The following ZNF16 variants were observed in gnomAD, a reference collection of about 807,000 sequenced individuals.
The protein encoded by ZNF16 is zinc finger protein 16, also known as zinc finger protein KOX9.
In ZNF16, 7 loss-of-function variants were observed where a neutral mutation model predicts 9.0. The observed-to-expected ratio is 0.78, with a 90% CI of 0.44 to 1.47. The LOEUF (loss-of-function observed/expected upper bound fraction) is 1.47. Among genes scored for constraint, ZNF16 ranks in the 40% most tolerant of loss-of-function variants. The pLI is 0.01. For synonymous variants in ZNF16, 312 were observed against 301.5 expected (o/e 1.03, Z -0.36); for missense variants, 830 against 854.2 (o/e 0.97, Z 0.35).
chr8:144,949,542 C>T (rs1345306437), intron 1 of ZNF16, among the ~76,000 whole-genome samples: 2 of 152,220 alleles, frequency 1.3e-5, no homozygotes, highest in African/African-American at 2.4e-5. Flanking sequence ...TGAACAATTG[C>T]TTTGCTGAGA....
At chr8:144,940,376 G>A (rs538743838) in intron 2 of ZNF16, among the ~76,000 whole-genome samples, 1 of 152,186 alleles carries the variant, frequency 6.6e-6, no homozygotes, top group South Asian at 2.1e-4. Flanking sequence ...TTTCAACAAG[G>A]GTGTTTATTG....
At chr8:144,940,093 T>A (rs1449968882) in intron 2 of ZNF16, among the ~76,000 whole-genome samples, 1 of 152,190 alleles carries the variant, frequency 6.6e-6, no homozygotes, top group Non-Finnish European at 1.5e-5. Flanking sequence ...TTCCTTTTTT[T>A]TTGAGACAGG....
intron 1 of ZNF16, among the ~76,000 whole-genome samples, chr8:144,949,957 G>C (rs1183737468): frequency 1.3e-5 from 2 of 152,160 alleles, no homozygotes. Context: ...TCTCCTGCCT[G>C]CCCCTGGGAA....
intron 1 of ZNF16, among the ~76,000 whole-genome samples, chr8:144,947,365 A>G (rs71522406): frequency 0.29 from 37,314 of 129,066 alleles, 5,338 homozygotes; most frequent in East Asian, 0.4. Flanking sequence ...TGGGGCCTGT[A>G]TCCTGCTGTG....
At chr8:144,942,857 A>C (rs1324977454) in intron 2 of ZNF16, among the ~76,000 whole-genome samples, 2 of 152,360 alleles carry the variant, frequency 1.3e-5, no homozygotes, top group African/African-American at 4.8e-5. Flanking sequence ...ATTTTGCACC[A>C]ACTTAATACA....
Position 144,931,771 on chromosome 8 carries a change from T to A in ZNF16, c.1016A>T (p.His339Leu). The A allele has an allele frequency of 1.2e-6, 2 of 1,614,190 alleles. No individual in the cohort carries two copies. The highest frequency in any genetic ancestry group is 1.7e-6 in the Non-Finnish European group (2 of 1,180,040). The change falls in exon 3 of 3, where the codon CAT (histidine) becomes CTT (leucine). Residue 339 changes from histidine to leucine, a missense_variant. By Grantham distance (99) the His-to-Leu change is moderately conservative. Coordinates refer to ENST00000394909, the MANE Select transcript of ZNF16 (RefSeq NM_006958.3). Reference sequence around the variant, plus strand: ...TTTCTCCCCAGAATGGATTCTTTGATGTTGGATGAGGTTTGAGCTCCGCCT... The same window carrying A: ...TTTCTCCCCAGAATGGATTCTTTGAAGTTGGATGAGGTTTGAGCTCCGCCT... ...AFRRSSNLIQHQRIHSGEKPY... is the reference protein window; with the variant it reads ...AFRRSSNLIQLQRIHSGEKPY...
At chr8:144,939,418 A>C (rs1318156390) in intron 2 of ZNF16, among the ~76,000 whole-genome samples, 1 of 151,892 alleles carries the variant, frequency 6.6e-6, no homozygotes, top group Admixed American at 6.6e-5. Context: ...CAGCCTGGGG[A>C]ACACGGTCTC....
At chr8:144,934,872 C>T (rs1586950258) in intron 2 of ZNF16, among the ~76,000 whole-genome samples, 1 of 152,158 alleles carries the variant, frequency 6.6e-6, no homozygotes, top group East Asian at 1.9e-4. Flanking sequence ...TTAAAAAACA[C>T]CTCAAAAGCA....
intron 2 of ZNF16, among the ~76,000 whole-genome samples, chr8:144,936,277 C>A (rs1833680063): frequency 6.6e-6 from 1 of 152,206 alleles, no homozygotes; most frequent in African/African-American, 2.4e-5. Flanking sequence ...AAATTATATT[C>A]ATTTGTATGT....
intron 2 of ZNF16, among the ~76,000 whole-genome samples, chr8:144,941,836 T>A (rs1833802835): frequency 6.6e-6 from 1 of 151,072 alleles, no homozygotes; most frequent in Non-Finnish European, 1.5e-5. Context: ...TTTTTTGTAT[T>A]TTTAGTAGAG....
chr8:144,946,237 G>A (rs779688049), intron 1 of ZNF16, 22 bp from the exon 2 acceptor site: 3 of 1,496,242 alleles, frequency 2.0e-6, no homozygotes, highest in Non-Finnish European at 2.7e-6. Flanking sequence ...CAAGAACACA[G>A]GTGAGTCTAC....
intron 2 of ZNF16, among the ~76,000 whole-genome samples, chr8:144,935,406 G>C (rs530339451): frequency 6.6e-6 from 1 of 152,058 alleles, no homozygotes; most frequent in East Asian, 1.9e-4. Flanking sequence ...GGGTTTCTCT[G>C]TGTTGGTCAG....
chr8:144,933,476 T>C lies in ZNF16; in HGVS notation c.197-886A>G, dbSNP rs1833605836. Among the ~76,000 whole-genome samples the C allele has an allele frequency of 6.6e-6, 1 of 152,108 alleles. No individual in the cohort carries two copies. Among genetic ancestry groups the C allele is most frequent in the African/African-American group, 2.4e-5 (1 of 41,402 alleles). On this transcript the variant is annotated intron_variant, in intron 2 of 2. Coordinates refer to ENST00000394909, the MANE Select transcript of ZNF16 (RefSeq NM_006958.3). This position sits in a 1 kb window ranked among gnomAD's most constrained non-coding sequence, Gnocchi z 5.6. ...GCTTCAGCATCTCCCTCTCCCCTTTTCACACCTGCAGAACAAAGAAACCCT... is the reference window on the plus strand; with the variant it reads ...GCTTCAGCATCTCCCTCTCCCCTTTCCACACCTGCAGAACAAAGAAACCCT...
At chr8:144,945,956 A>G (rs756418362) in intron 2 of ZNF16, 55 bp downstream of exon 2, 4 of 1,604,554 alleles carry the variant, frequency 2.5e-6, no homozygotes, top group Non-Finnish European at 3.4e-6. Context: ...ACAGGGTTCC[A>G]TGGACATCAC....
In ZNF16 at chr8:144,931,335, C is replaced by T. The variant is rs115193808; in HGVS notation, c.1452G>A (p.Thr484=). 2.7e-4 allele frequency: 428 copies of T among 1,613,604 alleles called. No homozygotes were observed. In the African/African-American group the frequency reaches 3.2e-3, roughly 12 times the overall value. Residue 484 remains threonine, a synonymous_variant, in exon 3 of 3, where the codon ACG becomes ACA. Transcript: ENST00000394909. ...SVLRKHQIIH[T]GEKPYRCSVC... ...CACTGCATCTGTACGGCTTCTCTCC[C>T]GTGTGGATGATCTGGTGCTTTCGGA...
chr8:144,949,334 T>A (rs1047981501), intron 1 of ZNF16, among the ~76,000 whole-genome samples: 2 of 152,274 alleles, frequency 1.3e-5, no homozygotes, highest in South Asian at 4.1e-4. Flanking sequence ...CGAAACCCCC[T>A]TTCTCCCCCA....
At chr8:144,938,804 CTT>C (rs1228589763) in intron 2 of ZNF16, among the ~76,000 whole-genome samples, 1 of 152,148 alleles carries the variant, frequency 6.6e-6, no homozygotes, top group African/African-American at 2.4e-5. Context: ...GCATGTTTGT[CTT>C]GTTACTGACC....
Position 144,947,541 on chromosome 8 carries a change from CAT to C in ZNF16, c.-9-1328_-9-1327del, listed in dbSNP as rs1833994436. Among the ~76,000 whole-genome samples, 4 of 152,200 alleles carry C rather than the reference CAT, an allele frequency of 2.6e-5. No homozygotes were observed. The South Asian group carries it at 8.3e-4, about 31-fold the overall frequency. The stretch of plus-strand genomic sequence containing the variant: ...AGGGGCAGCCTGTGCTGCAGCCCCA[CAT>C]GTCATCATTATGTGTCAACGCCTAC... On this transcript the variant is annotated intron_variant, in intron 1 of 2. Transcript: ENST00000394909.
chr8:144,941,188 T>C (rs1164673071), intron 2 of ZNF16, among the ~76,000 whole-genome samples: 2 of 152,230 alleles, frequency 1.3e-5, no homozygotes, highest in Non-Finnish European at 2.9e-5. Flanking sequence ...TCTATTACTA[T>C]AGAGCTATTT....
Sources: gnomAD v4.1 joint callset for allele counts (sites outside exome capture counted in the v4.1 genomes callset) on GRCh38, gnomAD v4.1.1 for gene constraint, Gnocchi (gnomAD v3.1) non-coding constraint, MANE v1.5 for transcripts, NCBI Gene and HGNC (gene_info 2026-07-23, HGNC 2026-07-21) for gene names.